The following ECE1 variants were observed in gnomAD, a reference collection of about 807,000 sequenced individuals.
The protein encoded by ECE1 is endothelin-converting enzyme 1.
In ECE1, 35 loss-of-function variants were observed where a neutral mutation model predicts 98.6. The observed-to-expected ratio is 0.35, with a 90% CI of 0.27 to 0.47. ECE1 has a LOEUF of 0.47. ECE1 is among the 20% of genes least tolerant of loss of function. The pLI is 1.00. For synonymous variants in ECE1, 394 were observed against 407.1 expected (o/e 0.97, Z 0.39); for missense variants, 814 against 1,025.3 (o/e 0.79, Z 2.81).
At chr1:21,313,714 C>T (rs1638775295) in intron 1 of ECE1, among the ~76,000 whole-genome samples, 2 of 152,132 alleles carry the variant, frequency 1.3e-5, no homozygotes, top group South Asian at 4.1e-4. Context: ...GGGTGAGTTG[C>T]CTTACCTCTC....
intron 1 of ECE1, among the ~76,000 whole-genome samples, chr1:21,308,538 A>G (rs1168306064): frequency 6.6e-6 from 1 of 152,102 alleles, no homozygotes; most frequent in Admixed American, 6.5e-5. Context: ...ACCCTTTGGG[A>G]TCAGAGACAA....
chr1:21,308,065 A>T (rs1007814090), intron 1 of ECE1, among the ~76,000 whole-genome samples: 1 of 152,070 alleles, frequency 6.6e-6, no homozygotes, highest in Non-Finnish European at 1.5e-5. Context: ...TCCCACCCAC[A>T]TGGAAAGCAG....
chr1:21,279,762 C>G (rs1366596774), intron 2 of ECE1: 1 of 1,199,030 alleles, frequency 8.3e-7, no homozygotes, highest in Non-Finnish European at 1.0e-6. Context: ...ATGGCTCACA[C>G]TTCCCAGAAG....
intron 4 of ECE1, among the ~76,000 whole-genome samples, chr1:21,268,871 A>G (rs1321809068): frequency 6.6e-6 from 1 of 152,200 alleles, no homozygotes; most frequent in Non-Finnish European, 1.5e-5. Context: ...TCCATGTATC[A>G]AAGTCCCAGG....
intron 9 of ECE1, 150 bp from the exon 10 acceptor site, chr1:21,245,253 T>C: frequency 1.4e-6 from 1 of 701,166 alleles, no homozygotes; most frequent in Non-Finnish European, 2.6e-6. Context: ...TACTGCTCCC[T>C]AAGCACGTGC....
At position 21,219,819 on chromosome 1, in the gene ECE1, T is replaced by C. The variant is rs2098165057; in HGVS notation, c.*136A>G. 1 of 1,164,954 alleles carries C rather than the reference T, an allele frequency of 8.6e-7. No individual in the cohort carries two copies. The highest frequency in any genetic ancestry group is 1.3e-5 in the South Asian group (1 of 74,970). The allele number at this position is 1,164,954 out of a possible 1,614,324, so 72.2% of individuals were successfully genotyped here. A position where few individuals can be genotyped will look rare whatever the true frequency, so the allele number is the denominator to read the frequency against. On this transcript the variant is annotated 3_prime_UTR_variant, in exon 19 of 19. Coordinates refer to ENST00000374893, the MANE Select transcript of ECE1 (RefSeq NM_001397.3). The surrounding 1 kb of genome is among the most constrained non-coding windows in gnomAD (Gnocchi z 4.5). ...TGAGAGCCAACACCATGGGCTCGGT[T>C]CCGGCTGAAAACCCGCCAGTGTGAG...
Position 21,319,887 on chromosome 1 carries a change from C to T in ECE1, c.3+25489G>A, listed in dbSNP as rs1431289796. 6.6e-6 allele frequency among the ~76,000 whole-genome samples: 1 copy of T among 152,156 alleles called. No individual in the cohort carries two copies. The highest frequency in any genetic ancestry group is 2.4e-5 in the African/African-American group (1 of 41,442). On this transcript the variant is annotated intron_variant, in intron 1 of 18. Coordinates refer to the ECE1 transcript ENST00000415912. This position sits in a 1 kb window ranked among gnomAD's most constrained non-coding sequence, Gnocchi z 4.4. ...CTCGCCACCCAGGCTGTCTTGAGTC[C>T]ACAGGTGTCCCCACCCCACTCCAGA...
intron 4 of ECE1, among the ~76,000 whole-genome samples, chr1:21,261,877 C>T (rs140812715): frequency 7.9e-5 from 12 of 152,304 alleles, no homozygotes; most frequent in African/African-American, 1.9e-4. Context: ...TTGCGCGGAG[C>T]AGGACAGGAC....
upstream of ECE1, among the ~76,000 whole-genome samples, chr1:21,290,800 T>C (rs41378050): frequency 0.029 from 4,389 of 152,272 alleles, 180 homozygotes; most frequent in African/African-American, 0.092. This position sits in a 1 kb window ranked among gnomAD's most constrained non-coding sequence, Gnocchi z 7.3. Context: ...AGCCCTTAGG[T>C]GTGTCTAGGG....
At chr1:21,236,050 G>T in intron 12 of ECE1, 123 bp from the exon 13 acceptor site, 1 of 902,466 alleles carries the variant, frequency 1.1e-6, no homozygotes, top group East Asian at 2.4e-5. Context: ...GCCTGCCTTG[G>T]GCTTTCATGT....
At chr1:21,247,441 G>A in intron 8 of ECE1, 78 bp from the exon 9 acceptor site, 1 of 1,606,252 alleles carries the variant, frequency 6.2e-7, no homozygotes, top group Non-Finnish European at 8.5e-7. Flanking sequence ...GGCTTCTACA[G>A]GAAGCAAAGG....
chr1:21,338,732 C>A (rs918250773), intron 1 of ECE1, among the ~76,000 whole-genome samples: 5 of 152,174 alleles, frequency 3.3e-5, no homozygotes, highest in African/African-American at 1.2e-4. Context: ...TGGAAGCCAC[C>A]CTGGCCTTGC....
chr1:21,238,495 A>C (rs1324100724), intron 10 of ECE1: 1 of 569,276 alleles, frequency 1.8e-6, no homozygotes, highest in Admixed American at 2.9e-5. Flanking sequence ...TGAGCCATTC[A>C]ATGACCCTCG....
chr1:21,223,611 G>A (rs1013709790), intron 17 of ECE1, among the ~76,000 whole-genome samples: 21 of 151,772 alleles, frequency 1.4e-4, no homozygotes, highest in Admixed American at 6.6e-5. Flanking sequence ...GATTACTGGC[G>A]CCTGCCACCA....
chr1:21,277,337 C>G (rs2098248609), intron 3 of ECE1, among the ~76,000 whole-genome samples: 1 of 152,224 alleles, frequency 6.6e-6, no homozygotes, highest in African/African-American at 2.4e-5. Flanking sequence ...GGACTCCCCC[C>G]TGGTTTCTGG....
intron 3 of ECE1, among the ~76,000 whole-genome samples, chr1:21,275,086 G>A (rs2098244968): frequency 1.3e-5 from 2 of 152,138 alleles, no homozygotes; most frequent in African/African-American, 4.8e-5. Flanking sequence ...TTCACACATC[G>A]AACCACAGGA....
At chr1:21,297,420 C>G (rs1638383559) in intron 1 of ECE1, among the ~76,000 whole-genome samples, 1 of 152,208 alleles carries the variant, frequency 6.6e-6, no homozygotes, top group Non-Finnish European at 1.5e-5. Context: ...GCTCTGTCCC[C>G]TCGGCATGCC....
At chr1:21,248,521 G>A (rs1296372542) in intron 8 of ECE1, among the ~76,000 whole-genome samples, 1 of 151,972 alleles carries the variant, frequency 6.6e-6, no homozygotes, top group South Asian at 2.1e-4. Context: ...TCGCGCCTGG[G>A]GCTTCCTCTC....
chr1:21,256,542 A>C (rs1398662581), intron 7 of ECE1: 2 of 153,218 alleles, frequency 1.3e-5, no homozygotes, highest in African/African-American at 4.9e-5. Context: ...TGGGCGGCAG[A>C]GAGAGACTTT....
Sources: gnomAD v4.1 joint callset for allele counts (sites outside exome capture counted in the v4.1 genomes callset) on GRCh38, gnomAD v4.1.1 for gene constraint, Gnocchi (gnomAD v3.1) non-coding constraint, MANE v1.5 for transcripts, NCBI Gene and HGNC (gene_info 2026-07-23, HGNC 2026-07-21) for gene names.